The following NELL2 variants were observed in gnomAD, a reference collection of about 807,000 sequenced individuals.
NELL2 encodes neural EGFL like 2.
NELL2 carries 41 observed loss-of-function variants against 109.6 expected under a neutral mutation model. The observed-to-expected ratio is 0.37, with a 90% CI of 0.29 to 0.49. The LOEUF (loss-of-function observed/expected upper bound fraction) is 0.49, where lower values mean the gene tolerates loss of function less well. Ranked by LOEUF, NELL2 falls within the 20% of genes least tolerant of loss-of-function variation. The probability of loss-of-function intolerance (pLI) is 0.98; values close to 1 mark genes in which losing one functional copy is unlikely to be tolerated. For synonymous variants in NELL2, 355 were observed against 344.7 expected, an observed-to-expected ratio of 1.03 and a Z score of -0.33; for missense variants, 900 against 1,008.3, an observed-to-expected ratio of 0.89 and a Z score of 1.45.
intron 3 of NELL2, among the ~76,000 whole-genome samples, chr12:44,791,183 C>CATATATATATATATAT (rs748283455): frequency 6.6e-5 from 1 of 15,096 alleles, no homozygotes; most frequent in Non-Finnish European, 1.2e-4. Flanking sequence ...AGTATTCCAT[C>CATATATATATATATAT]ATATATATAT....
At position 44,790,709 on chromosome 12, in the gene NELL2, G is replaced by C. The variant is rs368996311; in HGVS notation, c.336-10687C>G. ...AATGGCCTAAATGCTCCACATAAGA[G>C]ATACAGAACCGTAGAATGGATAAGA... is the stretch of plus-strand genomic sequence containing the variant. On this transcript the variant is annotated intron_variant, in intron 3 of 19. Transcript: ENST00000429094. 1.2e-4 allele frequency among the ~76,000 whole-genome samples: 18 copies of C among 151,670 alleles called. No homozygotes were observed. The East Asian group carries it at 3.1e-3, about 26-fold the overall frequency.
intron 15 of NELL2, among the ~76,000 whole-genome samples, chr12:44,585,686 A>C (rs903111020): frequency 6.6e-6 from 1 of 151,976 alleles, no homozygotes; most frequent in African/African-American, 2.4e-5. Flanking sequence ...TTTCATTTGC[A>C]CAGCATATGG....
intron 15 of NELL2, among the ~76,000 whole-genome samples, chr12:44,597,040 T>TA (rs1944993157): frequency 6.6e-6 from 1 of 152,194 alleles, no homozygotes. Flanking sequence ...TAAGTGTCCT[T>TA]AGCATTTCGT....
chr12:44,543,430 T>C (rs1417331268), intron 15 of NELL2, among the ~76,000 whole-genome samples: 1 of 152,200 alleles, frequency 6.6e-6, no homozygotes, highest in Non-Finnish European at 1.5e-5. Flanking sequence ...CAGTGCATTC[T>C]GAATCATAGC....
chr12:44,669,300 G>A (rs1948056666), intron 12 of NELL2, among the ~76,000 whole-genome samples: 1 of 152,042 alleles, frequency 6.6e-6, no homozygotes, highest in Non-Finnish European at 1.5e-5. Flanking sequence ...TACACCACAT[G>A]CACAGATATC....
intron 2 of NELL2, among the ~76,000 whole-genome samples, chr12:44,853,879 C>G (rs1268407675): frequency 1.3e-5 from 2 of 152,156 alleles, no homozygotes; most frequent in Admixed American, 1.3e-4. Flanking sequence ...TCAACAGGCT[C>G]TCAGAAAACA....
chr12:44,889,573 G>A (rs1945510531), intron 1 of NELL2, among the ~76,000 whole-genome samples: 2 of 152,016 alleles, frequency 1.3e-5, no homozygotes, highest in Admixed American at 6.5e-5. Context: ...AAAAGATAGG[G>A]CTTTGCCTAT....
chr12:44,633,725 C>T (rs911777650), intron 13 of NELL2, among the ~76,000 whole-genome samples: 26 of 152,008 alleles, frequency 1.7e-4, no homozygotes, highest in Non-Finnish European at 3.2e-4. Context: ...ATTTTCTTAC[C>T]CACCCCTAAT....
intron 13 of NELL2, among the ~76,000 whole-genome samples, chr12:44,636,414 T>C (rs1412853155): frequency 6.6e-6 from 1 of 152,204 alleles, no homozygotes; most frequent in Non-Finnish European, 1.5e-5. Flanking sequence ...ATATTGGCTA[T>C]GAGTCTGTCA....
At chr12:44,673,844 G>A (rs1948222032) in intron 12 of NELL2, among the ~76,000 whole-genome samples, 1 of 152,004 alleles carries the variant, frequency 6.6e-6, no homozygotes, top group Non-Finnish European at 1.5e-5. Context: ...GGTCAAATAA[G>A]TTTCAAGACC....
intron 16 of NELL2, among the ~76,000 whole-genome samples, chr12:44,526,915 C>T (rs1232380041): frequency 6.6e-6 from 1 of 152,144 alleles, no homozygotes; most frequent in African/African-American, 2.4e-5. Context: ...CTTTCATCAC[C>T]TCCTTTCTCA....
chr12:44,565,021 T>G (rs1292244769), intron 15 of NELL2, among the ~76,000 whole-genome samples: 1 of 152,140 alleles, frequency 6.6e-6, no homozygotes, highest in Non-Finnish European at 1.5e-5. Flanking sequence ...AAATGGATAT[T>G]TTTAATCTTT....
intron 12 of NELL2, among the ~76,000 whole-genome samples, chr12:44,699,623 C>A (rs1949167000): frequency 6.6e-6 from 1 of 152,014 alleles, no homozygotes; most frequent in Non-Finnish European, 1.5e-5. Context: ...CATTTTTTTC[C>A]CTTAGACAAT....
chr12:44,691,959 A>G (rs1227605658), intron 12 of NELL2, among the ~76,000 whole-genome samples: 1 of 152,222 alleles, frequency 6.6e-6, no homozygotes, highest in Non-Finnish European at 1.5e-5. Flanking sequence ...GCGCTGATGT[A>G]CAAACTGCAG....
At chr12:44,601,682 T>C (rs1044633285) in intron 15 of NELL2, among the ~76,000 whole-genome samples, 12 of 152,180 alleles carry the variant, frequency 7.9e-5, no homozygotes, top group Non-Finnish European at 1.3e-4. Context: ...TACAAAATCA[T>C]CATATCAGGT....
intron 3 of NELL2, among the ~76,000 whole-genome samples, chr12:44,803,978 A>G (rs935237993): frequency 5.3e-5 from 8 of 152,014 alleles, no homozygotes; most frequent in Non-Finnish European, 1.0e-4. Flanking sequence ...GTAAGTATAT[A>G]GTTTCATATT....
intron 9 of NELL2, among the ~76,000 whole-genome samples, chr12:44,769,965 G>T (rs540323508): frequency 6.6e-6 from 1 of 152,022 alleles, no homozygotes; most frequent in Non-Finnish European, 1.5e-5. Context: ...ATTAAGATAC[G>T]CCCACAATAT....
At chr12:44,893,251 C>T (rs865782120) in intron 1 of NELL2, among the ~76,000 whole-genome samples, 1 of 152,144 alleles carries the variant, frequency 6.6e-6, no homozygotes, top group South Asian at 2.1e-4. Flanking sequence ...GACTCCAACA[C>T]CCAAATTCTT....
intron 10 of NELL2, 57 bp from the exon 11 acceptor site, chr12:44,711,451 G>A: frequency 6.9e-7 from 1 of 1,450,132 alleles, no homozygotes; most frequent in Admixed American, 1.7e-5. Context: ...TTGTTAAGAA[G>A]TTTCCAGATC....
Sources: allele counts gnomAD v4.1 joint callset (sites outside exome capture counted in the v4.1 genomes callset), GRCh38; gene constraint gnomAD v4.1.1; transcripts MANE v1.5; gene names NCBI Gene and HGNC (gene_info 2026-07-23, HGNC 2026-07-21).